Variants in DNAH17 observed in about 807,000 individuals in gnomAD.
DNAH17 encodes dynein axonemal heavy chain 17.
Under a neutral mutation model 485.6 loss-of-function variants are expected in DNAH17, and 376 were observed. The ratio of observed to expected loss-of-function variants is 0.77; its 90% CI spans 0.71 to 0.84. DNAH17 has a LOEUF of 0.84. DNAH17 is among the 40% of genes least tolerant of loss of function. The probability of loss-of-function intolerance (pLI) is 0.00; values close to 1 mark genes in which losing one functional copy is unlikely to be tolerated. For missense variants in DNAH17, 6,370 were observed against 5,839.3 expected (o/e 1.09, Z -2.96); for synonymous variants, 3,031 against 2,405.9 (o/e 1.26, Z -7.60).
intron 51 of DNAH17, 94 bp from the exon 52 acceptor site, chr17:78,476,827 C>T (rs549431945): frequency 3.7e-5 from 53 of 1,433,628 alleles, no homozygotes; most frequent in Admixed American, 3.7e-4. Context: ...CCCCCTCCCC[C>T]GGGGCGAGGG....
intron 4 of DNAH17, 24 bp from the exon 5 acceptor site, chr17:78,571,402 C>T (rs1032899901): frequency 1.9e-6 from 3 of 1,587,830 alleles, no homozygotes; most frequent in Admixed American, 1.7e-5. Context: ...TGAAGATCCA[C>T]CTTTCATTGA....
intron 74 of DNAH17, among the ~76,000 whole-genome samples, chr17:78,436,211 G>C (rs2086846799): frequency 6.6e-6 from 1 of 152,220 alleles, no homozygotes. Context: ...TGGATCACCT[G>C]AGGTGAGGAG....
chr17:78,502,358 G>C (rs1189149831), intron 33 of DNAH17: 2 of 410,218 alleles, frequency 4.9e-6, no homozygotes, highest in African/African-American at 4.2e-5. Context: ...TTTCAGGCGA[G>C]AAATCAAAGT....
intron 9 of DNAH17, among the ~76,000 whole-genome samples, chr17:78,567,467 G>A (rs1474760382): frequency 6.6e-6 from 1 of 152,150 alleles, no homozygotes; most frequent in African/African-American, 2.4e-5. Flanking sequence ...TGGCCAAACC[G>A]CATCTCTAAA....
intron 69 of DNAH17, among the ~76,000 whole-genome samples, chr17:78,446,196 A>AAAAAAAAAAAAC (rs1401783349): frequency 6.6e-6 from 1 of 151,142 alleles, no homozygotes; most frequent in Non-Finnish European, 1.5e-5. Flanking sequence ...AAAAAAAAAA[A>AAAAAAAAAAAAC]AATTGACAAT....
At chr17:78,480,278 A>C (rs915548055) in intron 49 of DNAH17, among the ~76,000 whole-genome samples, 1 of 151,710 alleles carries the variant, frequency 6.6e-6, no homozygotes, top group Admixed American at 6.6e-5. Context: ...AAACCCGGGA[A>C]GCGGAGGTTG....
rs1239962104 is a variant in DNAH17 at position 78,562,011 on chromosome 17, CCA to C, written c.1570-33_1570-32del. 1.4e-5 allele frequency: 21 copies of C among 1,535,612 alleles called. No individual in the cohort carries two copies. In the Admixed American group the frequency reaches 1.6e-4, roughly 12 times the overall value. ...GACAAAGGAGAAGGGGGCCTCTTCACCACAGTCTCCTCCCCTTCCCCAGCCTG... is the reference window on the plus strand; with the variant it reads ...GACAAAGGAGAAGGGGGCCTCTTCACCAGTCTCCTCCCCTTCCCCAGCCTG... On this transcript the variant is annotated intron_variant, in intron 11 of 80. Transcript: ENST00000389840.
chr17:78,484,646 C>A, intron 48 of DNAH17: 2 of 343,474 alleles, frequency 5.8e-6, no homozygotes, highest in Non-Finnish European at 5.3e-6. Context: ...ACTGATAGAA[C>A]CTCTCCCCTA....
intron 26 of DNAH17, among the ~76,000 whole-genome samples, chr17:78,512,940 C>CAAAAAAA (rs57734613): frequency 8.4e-5 from 7 of 83,304 alleles, no homozygotes; most frequent in African/African-American, 1.0e-4. Flanking sequence ...GACTCTAACT[C>CAAAAAAA]AAAAAAAAAA....
At chr17:78,548,187 C>T (rs1023196649) in intron 16 of DNAH17, among the ~76,000 whole-genome samples, 18 of 138,794 alleles carry the variant, frequency 1.3e-4, no homozygotes, top group East Asian at 4.3e-4. Context: ...GTTGTTATTT[C>T]GTAGATGTCA....
Position 78,458,624 on chromosome 17 carries a change from C to T in DNAH17, c.9918G>A (p.Glu3306=), listed in dbSNP as rs1258057210. Residue 3306 remains glutamate (E), a synonymous_variant, in exon 62 of 81, where the codon GAG becomes GAA. Coordinates refer to ENST00000389840, the MANE Select transcript of DNAH17 (RefSeq NM_173628.4). The part of the protein sequence containing the change: ...LTSAFEKATA[E]KIKCQQEADA... Reference sequence around the variant, plus strand: ...CGGCCTCTTGCTGACACTTGATTTTCTCAGCTGTTGCTTTTTCAAACGCTG... The same window carrying T: ...CGGCCTCTTGCTGACACTTGATTTTTTCAGCTGTTGCTTTTTCAAACGCTG... 1 of 1,613,920 alleles carries T rather than the reference C, an allele frequency of 6.2e-7. No individual in the cohort carries two copies. The highest frequency in any genetic ancestry group is 8.5e-7 in the Non-Finnish European group (1 of 1,179,914).
At position 78,510,513 on chromosome 17, in the gene DNAH17, G is replaced by GA. The variant is rs746960296; in HGVS notation, c.4114-8dup. On this transcript the variant is annotated splice_polypyrimidine_tract_variant and splice_region_variant and intron_variant, in intron 26 of 80. Coordinates refer to ENST00000389840, the MANE Select transcript of DNAH17 (RefSeq NM_173628.4). The stretch of plus-strand genomic sequence containing the variant: ...CTGACATTTTAAATTTCACCTAAGG[G>GA]AAAAAAATCCAGGCAGGATTCATTT... 6.8e-6 allele frequency: 11 copies of GA among 1,612,436 alleles called. No individual in the cohort carries two copies. In the African/African-American group the frequency reaches 9.4e-5, roughly 14 times the overall value.
At chr17:78,530,192 G>T (rs1003792617) in intron 21 of DNAH17, 151 bp downstream of exon 21, 1 of 881,572 alleles carries the variant, frequency 1.1e-6, no homozygotes, top group Non-Finnish European at 1.7e-6. Context: ...TTCTGCTCAC[G>T]CTTGGTGGGG....
At chr17:78,459,358 C>A in intron 60 of DNAH17, 150 bp from the exon 61 acceptor site, 2 of 756,554 alleles carry the variant, frequency 2.6e-6, no homozygotes, top group Non-Finnish European at 4.5e-6. Context: ...GAGGCCACCC[C>A]CCACCGGCTC....
At position 78,539,895 on chromosome 17, in the gene DNAH17, G is replaced by A. The variant is rs368118044; in HGVS notation, c.2533-15C>T. On this transcript the variant is annotated splice_polypyrimidine_tract_variant and intron_variant, in intron 17 of 80. Coordinates refer to ENST00000389840, the MANE Select transcript of DNAH17 (RefSeq NM_173628.4). Reference sequence around the variant, plus strand: ...TCTGCGTTTTCCTGCAAACAGAAGCGCACAGTTGGGCCTCACTTCACTGGC... The same window carrying A: ...TCTGCGTTTTCCTGCAAACAGAAGCACACAGTTGGGCCTCACTTCACTGGC... 23 of 1,555,626 alleles carry A rather than the reference G, an allele frequency of 1.5e-5. No homozygotes were observed. The highest frequency in any genetic ancestry group is 4.1e-5 in the African/African-American group (3 of 72,506).
intron 29 of DNAH17, 26 bp from the exon 30 acceptor site, chr17:78,506,872 A>AG (rs753229878): frequency 1.2e-6 from 2 of 1,613,588 alleles, no homozygotes; most frequent in African/African-American, 1.3e-5. Flanking sequence ...GAAGTAGAGG[A>AG]GGCCGGTGAC....
In DNAH17 at chr17:78,572,611, C is replaced by T. The variant is rs375121249; in HGVS notation, c.539+90G>A. ...GCCACTCTGCAGGGAAACAACGGGT[C>T]GGAGTGGGGTGGAGTGGGGTGGGGG... On this transcript the variant is annotated intron_variant, in intron 3 of 80. Transcript: ENST00000389840. 1.9e-5 allele frequency: 21 copies of T among 1,120,984 alleles called. No individual in the cohort carries two copies. In the African/African-American group the frequency reaches 3.0e-4, roughly 16 times the overall value. The allele number at this position is 1,120,984 out of a possible 1,614,324, so 69.4% of individuals were successfully genotyped here.
At chr17:78,440,145 G>A (rs571523960) in intron 72 of DNAH17, among the ~76,000 whole-genome samples, 1 of 150,966 alleles carries the variant, frequency 6.6e-6, no homozygotes, top group Admixed American at 6.6e-5. Flanking sequence ...GTGTTGACCA[G>A]GCTGATCTTG....
chr17:78,542,614 C>A (rs898060308), intron 17 of DNAH17, among the ~76,000 whole-genome samples: 9 of 152,164 alleles, frequency 5.9e-5, no homozygotes, highest in Admixed American at 4.6e-4. Flanking sequence ...AGACAAAGCA[C>A]CCAGGAATGC....
Sources: gnomAD v4.1 joint callset for allele counts (sites outside exome capture counted in the v4.1 genomes callset) on GRCh38, gnomAD v4.1.1 for gene constraint, MANE v1.5 for transcripts, NCBI Gene and HGNC (gene_info 2026-07-23, HGNC 2026-07-21) for gene names.